The following MYO6 variants were observed in gnomAD, a reference collection of about 807,000 sequenced individuals.
MYO6 encodes the protein unconventional myosin-VI.
In MYO6, 74 loss-of-function variants were observed where a neutral mutation model predicts 178.7. That is an observed-to-expected ratio of 0.41 (90% confidence interval 0.34 to 0.50). The LOEUF is 0.50. Ranked by LOEUF, MYO6 falls within the 20% of genes least tolerant of loss-of-function variation. MYO6 has a pLI of 0.09. For synonymous variants in MYO6, 477 were observed against 504.6 expected (o/e 0.95, Z 0.73); for missense variants, 1,330 against 1,547.4 (o/e 0.86, Z 2.36).
chr6:75,805,559 A>C (rs1370869865), intron 1 of MYO6, among the ~76,000 whole-genome samples: 1 of 152,218 alleles, frequency 6.6e-6, no homozygotes, highest in Non-Finnish European at 1.5e-5. Context: ...CACAGAAGAA[A>C]TGAAAAATTA....
intron 6 of MYO6, among the ~76,000 whole-genome samples, chr6:75,834,728 G>C (rs1032703133): frequency 1.4e-5 from 2 of 147,838 alleles, no homozygotes; most frequent in Non-Finnish European, 3.1e-5. Context: ...TACTATGAAA[G>C]TTTGCTATTC....
rs201667543 is a variant in MYO6 at position 75,842,611 on chromosome 6, CT to C, written c.816+1237del. On this transcript the variant is annotated intron_variant, in intron 9 of 34. Coordinates refer to ENST00000369977, the MANE Select transcript of MYO6 (RefSeq NM_004999.4). ...TTTATATACTTCTAAAATGTCCAGT[CT>C]TTTCTAGAGCTCTCCAAATTAATTG... Among the ~76,000 whole-genome samples, 36 of 152,250 alleles carry C rather than the reference CT, an allele frequency of 2.4e-4. 1 individual carries two copies. In the East Asian group the frequency reaches 5.6e-3, roughly 24 times the overall value.
At chr6:75,867,212 T>C in intron 18 of MYO6, 107 bp downstream of exon 18, 1 of 897,736 alleles carries the variant, frequency 1.1e-6, no homozygotes, top group Non-Finnish European at 1.7e-6. Context: ...ACAGTGAAGT[T>C]CAAGAGCAGA....
chr6:75,893,947 T>A (rs1233710229), intron 28 of MYO6, among the ~76,000 whole-genome samples: 6 of 152,202 alleles, frequency 3.9e-5, no homozygotes, highest in African/African-American at 1.4e-4. Flanking sequence ...TCAGAATGAT[T>A]GGGAGTCTTT....
chr6:75,852,135 A>G (rs1207751415), intron 11 of MYO6, among the ~76,000 whole-genome samples: 1 of 151,616 alleles, frequency 6.6e-6, no homozygotes, highest in Non-Finnish European at 1.5e-5. Context: ...TTAGCCTTAC[A>G]TAATTTTTGG....
intron 1 of MYO6, among the ~76,000 whole-genome samples, chr6:75,786,231 A>G (rs1767554163): frequency 6.6e-6 from 1 of 151,994 alleles, no homozygotes; most frequent in Non-Finnish European, 1.5e-5. Flanking sequence ...CAGCCTATAT[A>G]TTTATATATA....
At chr6:75,842,205 C>T (rs1022171322) in intron 9 of MYO6, among the ~76,000 whole-genome samples, 3 of 146,588 alleles carry the variant, frequency 2.0e-5, no homozygotes, top group Admixed American at 2.0e-4. Flanking sequence ...CACACATGCA[C>T]ACACACACAC....
rs1781312684 is a variant in MYO6 at position 75,919,430 on chromosome 6, C to CT, written c.*4419dup. 1 of 135,608 alleles carries CT rather than the reference C, an allele frequency of 7.4e-6. No individual in the cohort carries two copies. Among genetic ancestry groups the CT allele is most frequent in the East Asian group, 2.1e-4 (1 of 4,704 alleles). 8.4% of individuals were successfully genotyped at this position (135,608 alleles called of 1,614,324 possible). ...ACTTATGAAAATTCATCTAGTCAAA[C>CT]TGTCAATTAATTTTTCCTCATTTCA... On this transcript the variant is annotated 3_prime_UTR_variant, in exon 35 of 35. Coordinates refer to ENST00000369977, the MANE Select transcript of MYO6 (RefSeq NM_004999.4).
chr6:75,855,667 C>T (rs1317849611), intron 12 of MYO6, among the ~76,000 whole-genome samples: 7 of 152,088 alleles, frequency 4.6e-5, no homozygotes. Context: ...ATGACACTTT[C>T]CTTATGTTTA....
chr6:75,830,460 C>CATACCTAAAAT lies in MYO6; in HGVS notation c.310_320dup (p.Ser108LeufsTer9). On this transcript the variant is annotated frameshift_variant, in exon 5 of 35. Coordinates refer to ENST00000369977, the MANE Select transcript of MYO6 (RefSeq NM_004999.4). LOFTEE classifies it high-confidence loss of function. ...TGATTGCAGTGAATCCATACTTTGA[C>CATACCTAAAAT]ATACCTAAAATATATTCTTCAGAAG... The CATACCTAAAAT allele has an allele frequency of 6.2e-7, 1 of 1,611,992 alleles. No individual in the cohort carries two copies. The highest frequency in any genetic ancestry group is 8.5e-7 in the Non-Finnish European group (1 of 1,178,274).
At position 75,848,646 on chromosome 6, in the gene MYO6, T is replaced by G. The variant is rs1049877703; in HGVS notation, c.1078+115T>G. The G allele has an allele frequency of 4.2e-5, 40 of 956,724 alleles. No individual in the cohort carries two copies. In the South Asian group the frequency reaches 4.3e-4, roughly 10 times the overall value. 59.3% of individuals were successfully genotyped at this position (956,724 alleles called of 1,614,324 possible). A position where few individuals can be genotyped will look rare whatever the true frequency, so the allele number is the denominator to read the frequency against. Reference sequence around the variant, plus strand: ...TTGCTTAAAAACTTTAAGAAATATCTAAAATATACTGAGTTAAATGTTGAA... The same window carrying G: ...TTGCTTAAAAACTTTAAGAAATATCGAAAATATACTGAGTTAAATGTTGAA... On this transcript the variant is annotated intron_variant, in intron 11 of 34. Transcript: ENST00000369977.
At chr6:75,801,770 G>A (rs1769479078) in intron 1 of MYO6, among the ~76,000 whole-genome samples, 1 of 151,928 alleles carries the variant, frequency 6.6e-6, no homozygotes, top group East Asian at 1.9e-4. Flanking sequence ...GTGAAACCCC[G>A]TCTCTACTAA....
At chr6:75,851,084 CAATAATT>C (rs1775224046) in intron 11 of MYO6, among the ~76,000 whole-genome samples, 1 of 152,004 alleles carries the variant, frequency 6.6e-6, no homozygotes, top group Non-Finnish European at 1.5e-5. Context: ...AAAGTCTTTA[CAATAATT>C]AATACACACT....
chr6:75,889,393 A>G (rs1778720118), intron 25 of MYO6, among the ~76,000 whole-genome samples: 1 of 152,212 alleles, frequency 6.6e-6, no homozygotes, highest in Non-Finnish European at 1.5e-5. Context: ...TTGCTAAATT[A>G]GCTGATCATT....
At chr6:75,861,775 G>A (rs905388456) in intron 15 of MYO6, among the ~76,000 whole-genome samples, 1 of 152,124 alleles carries the variant, frequency 6.6e-6, no homozygotes, top group Admixed American at 6.5e-5. Context: ...CTTTACATCA[G>A]TATAAATTTT....
At chr6:75,907,469 C>T (rs1780417392) in intron 30 of MYO6, 136 bp from the exon 31 acceptor site, 1 of 682,488 alleles carries the variant, frequency 1.5e-6, no homozygotes, top group Non-Finnish European at 2.6e-6. Context: ...TTAATCTCAT[C>T]TGTCAAAGAA....
intron 30 of MYO6, among the ~76,000 whole-genome samples, chr6:75,905,879 G>T (rs758407697): frequency 2.6e-5 from 4 of 152,168 alleles, no homozygotes; most frequent in South Asian, 2.1e-4. Context: ...AGAAGCAAGG[G>T]CACCTTATTT....
intron 2 of MYO6, 81 bp downstream of exon 2, chr6:75,817,745 T>C: frequency 8.5e-7 from 1 of 1,175,910 alleles, no homozygotes. Flanking sequence ...GTCTGTCTTC[T>C]TAATGAGGTA....
At chr6:75,906,278 G>T (rs933454194) in intron 30 of MYO6, among the ~76,000 whole-genome samples, 1 of 152,142 alleles carries the variant, frequency 6.6e-6, no homozygotes, top group Admixed American at 6.5e-5. Flanking sequence ...TATTCTGAGT[G>T]TCTGCTATTT....
Sources: gnomAD v4.1 joint callset for allele counts (sites outside exome capture counted in the v4.1 genomes callset) on GRCh38, gnomAD v4.1.1 for gene constraint, MANE v1.5 for transcripts, NCBI Gene and HGNC (gene_info 2026-07-23, HGNC 2026-07-21) for gene names.